The following PTPRD variants were observed in gnomAD, a reference collection of about 807,000 sequenced individuals.
PTPRD encodes receptor-type tyrosine-protein phosphatase delta.
A neutral mutation model predicts 214.5 loss-of-function variants in PTPRD; 34 were observed. The observed-to-expected ratio is 0.16, with a 90% CI of 0.12 to 0.21. The LOEUF (loss-of-function observed/expected upper bound fraction) is 0.21. PTPRD is among the 10% of genes least tolerant of loss of function. The pLI, the probability that PTPRD is intolerant of heterozygous loss-of-function variation, is 1.00. For synonymous variants in PTPRD, 1,128 were observed against 845.7 expected (o/e 1.33, Z -5.79); for missense variants, 2,545 against 2,398.7 (o/e 1.06, Z -1.27).
At chr9:9,320,460 A>G (rs996773440) in intron 9 of PTPRD, among the ~76,000 whole-genome samples, 3 of 152,220 alleles carry the variant, frequency 2.0e-5, no homozygotes, top group Admixed American at 1.3e-4. Flanking sequence ...AAAGTAAGGA[A>G]GAAAGCAGGA....
At position 8,365,585 on chromosome 9, in the gene PTPRD, C is replaced by T. The variant is rs182555277; in HGVS notation, c.4661+10351G>A. Among the ~76,000 whole-genome samples, 20 of 152,156 alleles carry T rather than the reference C, an allele frequency of 1.3e-4. No homozygotes were observed. In the East Asian group the frequency reaches 3.7e-3, roughly 28 times the overall value. ...CATGGAGAGCAGAGTTCCACCAATCCAGTAAATAAGGTTCAGCAATGTGGC... is the reference window on the plus strand; with the variant it reads ...CATGGAGAGCAGAGTTCCACCAATCTAGTAAATAAGGTTCAGCAATGTGGC... On this transcript the variant is annotated intron_variant, in intron 39 of 45. Transcript: ENST00000381196.
intron 4 of PTPRD, among the ~76,000 whole-genome samples, chr9:9,982,954 G>A (rs1238956749): frequency 3.9e-5 from 6 of 151,908 alleles, no homozygotes; most frequent in Non-Finnish European, 5.9e-5. Context: ...GAAAAACAAG[G>A]TGATGTGGCG....
intron 36 of PTPRD, among the ~76,000 whole-genome samples, chr9:8,402,631 G>A (rs1564562999): frequency 6.6e-6 from 1 of 152,060 alleles, no homozygotes; most frequent in African/African-American, 2.4e-5. Flanking sequence ...TCTGCTATTT[G>A]TGACTCAGTT....
chr9:10,519,530 T>A (rs2051426062), intron 2 of PTPRD, among the ~76,000 whole-genome samples: 1 of 152,022 alleles, frequency 6.6e-6, no homozygotes, highest in Non-Finnish European at 1.5e-5. Context: ...AATAACTTCT[T>A]AGAGCTGAGT....
intron 6 of PTPRD, among the ~76,000 whole-genome samples, chr9:9,742,215 C>G (rs1294532196): frequency 2.0e-5 from 3 of 152,052 alleles, no homozygotes; most frequent in Non-Finnish European, 4.4e-5. Context: ...TGAGAAGTGT[C>G]TGTTCAAATT....
chr9:9,114,206 A>G (rs921326431), intron 10 of PTPRD, among the ~76,000 whole-genome samples: 1 of 152,144 alleles, frequency 6.6e-6, no homozygotes, highest in Non-Finnish European at 1.5e-5. Flanking sequence ...CCAATTACTC[A>G]GGTTTCTACA....
chr9:10,373,885 T>C (rs533564016), intron 2 of PTPRD, among the ~76,000 whole-genome samples: 1 of 152,132 alleles, frequency 6.6e-6, no homozygotes, highest in African/African-American at 2.4e-5. Flanking sequence ...CCATATTTTA[T>C]TCCCTATCCA....
At chr9:10,602,629 A>G (rs539829135) in intron 2 of PTPRD, among the ~76,000 whole-genome samples, 18 of 151,954 alleles carry the variant, frequency 1.2e-4, no homozygotes, top group African/African-American at 4.3e-4. Flanking sequence ...ATTTAATACA[A>G]TGTGACGCAG....
intron 3 of PTPRD, among the ~76,000 whole-genome samples, chr9:10,207,500 A>C (rs1193040555): frequency 1.3e-5 from 2 of 152,072 alleles, no homozygotes; most frequent in African/African-American, 4.8e-5. Context: ...TTTTGTGTAG[A>C]ACTGGTATTA....
intron 10 of PTPRD, among the ~76,000 whole-genome samples, chr9:9,043,268 T>A (rs565178914): frequency 6.6e-6 from 1 of 152,324 alleles, no homozygotes; most frequent in Admixed American, 6.5e-5. Flanking sequence ...TTGATTAACA[T>A]CTTGTCTTAT....
intron 11 of PTPRD, among the ~76,000 whole-genome samples, chr9:8,979,958 AC>A (rs1416332103): frequency 1.3e-5 from 2 of 152,088 alleles, no homozygotes; most frequent in Admixed American, 6.6e-5. Flanking sequence ...TATGGAAACA[AC>A]GTAAATGTCT....
intron 39 of PTPRD, among the ~76,000 whole-genome samples, chr9:8,357,147 G>C (rs1588546518): frequency 1.3e-5 from 2 of 152,268 alleles, no homozygotes; most frequent in East Asian, 1.9e-4. Flanking sequence ...GCATGCTGTG[G>C]GATCACACTG....
In PTPRD at chr9:9,353,760, G is replaced by T. The variant is rs1414482804; in HGVS notation, c.-203+43689C>A. ...AGGAATATATTAGTTTTCTATTGCTGCCTGGTAGATTACCACAAAGTTGGC... is the reference window on the plus strand; with the variant it reads ...AGGAATATATTAGTTTTCTATTGCTTCCTGGTAGATTACCACAAAGTTGGC... On this transcript the variant is annotated intron_variant, in intron 9 of 45. Transcript: ENST00000381196. 2.6e-5 allele frequency among the ~76,000 whole-genome samples: 4 copies of T among 151,782 alleles called. 1 individual carries two copies. Among genetic ancestry groups the T allele is most frequent in the South Asian group, 4.2e-4 (2 of 4,816 alleles).
chr9:9,550,168 A>G (rs1434166025), intron 8 of PTPRD, among the ~76,000 whole-genome samples: 19 of 151,928 alleles, frequency 1.3e-4, no homozygotes, highest in Admixed American at 1.2e-3. Flanking sequence ...TAGGTTTACC[A>G]AAGAAGAAAT....
At chr9:8,613,937 C>T (rs769710498) in intron 14 of PTPRD, among the ~76,000 whole-genome samples, 4 of 151,798 alleles carry the variant, frequency 2.6e-5, no homozygotes, top group South Asian at 2.1e-4. Context: ...AGAAGAGTAT[C>T]GCTATTCTTG....
intron 2 of PTPRD, among the ~76,000 whole-genome samples, chr9:10,556,662 T>A (rs1490841339): frequency 6.6e-6 from 1 of 152,104 alleles, no homozygotes; most frequent in South Asian, 2.1e-4. Context: ...TTGTTGACAA[T>A]TATTTTTACA....
intron 8 of PTPRD, among the ~76,000 whole-genome samples, chr9:9,564,181 C>A (rs577634345): frequency 6.6e-6 from 1 of 152,162 alleles, no homozygotes; most frequent in East Asian, 1.9e-4. Flanking sequence ...AGTTTAAGTA[C>A]CTGTGTATTA....
intron 9 of PTPRD, among the ~76,000 whole-genome samples, chr9:9,284,402 T>C (rs903201436): frequency 1.3e-5 from 2 of 151,682 alleles, no homozygotes; most frequent in Admixed American, 6.6e-5. Context: ...TTCTTCCTCT[T>C]GCTCTCCCTG....
chr9:9,947,525 TATATATTTTATATATAATATATATATTA>T lies in PTPRD; in HGVS notation c.-471-8943_-471-8916del, dbSNP rs2092876057. On this transcript the variant is annotated intron_variant, in intron 4 of 45. Coordinates refer to ENST00000381196, the MANE Select transcript of PTPRD (RefSeq NM_002839.4). Reference sequence around the variant, plus strand: ...TTTTATATATATAATATATATATTATATATATTTTATATATAATATATATATTATATATATATTTTATATATATATTAT... The same window carrying T: ...TTTTATATATATAATATATATATTATTATATATATTTTATATATATATTAT... Among the ~76,000 whole-genome samples, 3 of 21,294 alleles carry T rather than the reference TATATATTTTATATATAATATATATATTA, an allele frequency of 1.4e-4. No individual in the cohort carries two copies. The East Asian group carries it at 0.025, about 180-fold the overall frequency. The allele number at this position is 21,294 out of a possible 152,430, so 14.0% of individuals were successfully genotyped here.
Sources: gnomAD v4.1 joint callset for allele counts (sites outside exome capture counted in the v4.1 genomes callset) on GRCh38, gnomAD v4.1.1 for gene constraint, MANE v1.5 for transcripts, NCBI Gene and HGNC (gene_info 2026-07-23, HGNC 2026-07-21) for gene names.